Variants in ATXN1 observed in about 807,000 individuals in gnomAD.
ATXN1 encodes ataxin 1, also known as ataxin-1.
Under a neutral mutation model 56.4 loss-of-function variants are expected in ATXN1, and 8 were observed. That is an observed-to-expected ratio of 0.14 (90% confidence interval 0.08 to 0.26). ATXN1 has a LOEUF of 0.26. Ranked by LOEUF, ATXN1 falls within the 10% of genes least tolerant of loss-of-function variation. The pLI, the probability that ATXN1 is intolerant of heterozygous loss-of-function variation, is 1.00. For synonymous variants in ATXN1, 514 were observed against 494.6 expected (o/e 1.04, Z -0.52); for missense variants, 987 against 1,106.5 (o/e 0.89, Z 1.53).
intron 6 of ATXN1, among the ~76,000 whole-genome samples, chr6:16,406,780 T>C (rs1375161401): frequency 6.6e-6 from 1 of 152,246 alleles, no homozygotes; most frequent in Non-Finnish European, 1.5e-5. Context: ...CTTTGTTCTC[T>C]TCTGCTTTTG....
At chr6:16,530,102 C>T (rs1026897624) in intron 4 of ATXN1, among the ~76,000 whole-genome samples, 1 of 152,094 alleles carries the variant, frequency 6.6e-6, no homozygotes, top group Non-Finnish European at 1.5e-5. Context: ...GATATCTGTT[C>T]TTAAGGAATT....
intron 6 of ATXN1, among the ~76,000 whole-genome samples, chr6:16,470,974 T>G (rs1408472020): frequency 6.6e-6 from 1 of 152,080 alleles, no homozygotes; most frequent in Non-Finnish European, 1.5e-5. Context: ...GTACCTAGAC[T>G]GATGTGAGGC....
intron 5 of ATXN1, among the ~76,000 whole-genome samples, chr6:16,515,211 C>T (rs1422103006): frequency 6.6e-6 from 1 of 152,156 alleles, no homozygotes; most frequent in Non-Finnish European, 1.5e-5. Flanking sequence ...CTCCTTACGC[C>T]TGCAACTGCC....
rs879687965 is a variant in ATXN1 at position 16,300,671 on chromosome 6, AT to A, written c.*5657del. On this transcript the variant is annotated 3_prime_UTR_variant, in exon 8 of 8. Transcript: ENST00000436367. ...GTGTGGGGGGAAAGAAGGTGAAATA[AT>A]TTTTTTTTTTGTCCCCATAATGAGT... The A allele has an allele frequency of 0.014, 2,064 of 148,230 alleles. 95 individuals carry two copies. Among genetic ancestry groups the A allele is most frequent in the Admixed American group, 0.089 (1,322 of 14,832 alleles). 9.2% of individuals were successfully genotyped at this position (148,230 alleles called of 1,614,324 possible).
At chr6:16,548,435 ATAAAT>A (rs941170975) in intron 4 of ATXN1, among the ~76,000 whole-genome samples, 31 of 152,356 alleles carry the variant, frequency 2.0e-4, no homozygotes, top group Admixed American at 1.8e-3. Flanking sequence ...TTCTTCAATA[ATAAAT>A]TAAACTTAGC....
intron 6 of ATXN1, among the ~76,000 whole-genome samples, chr6:16,482,122 A>C (rs1219374787): frequency 6.6e-6 from 1 of 151,996 alleles, no homozygotes; most frequent in Non-Finnish European, 1.5e-5. Flanking sequence ...CACACCCTTA[A>C]ACTGCTATCA....
chr6:16,706,413 G>C (rs1303808166), intron 2 of ATXN1, among the ~76,000 whole-genome samples: 2 of 152,166 alleles, frequency 1.3e-5, no homozygotes, highest in African/African-American at 4.8e-5. Context: ...GAGAGGCAGA[G>C]AGAAAGAAAG....
intron 2 of ATXN1, chr6:16,738,309 C>T (rs1581408224): frequency 6.6e-6 from 1 of 152,182 alleles, no homozygotes; most frequent in Non-Finnish European, 1.5e-5. Flanking sequence ...AGCTCAGTTC[C>T]TTAAACCGCT....
rs1328330948 is a variant in ATXN1, at chr6:16,305,666, G to A, written c.*663C>T. The A allele has an allele frequency of 2.0e-5, 3 of 152,712 alleles. No individual in the cohort carries two copies. The highest frequency in any genetic ancestry group is 3.8e-4 in the East Asian group (2 of 5,206). 9.5% of individuals were successfully genotyped at this position (152,712 alleles called of 1,614,324 possible). ...TATATCAGTGCAGTCAGGCCCCATA[G>A]GGGGAAATATATATCTATACAATTA... On this transcript the variant is annotated 3_prime_UTR_variant, in exon 8 of 8. Coordinates refer to ENST00000436367, the MANE Select transcript of ATXN1 (RefSeq NM_001128164.2).
At chr6:16,478,928 A>G (rs1026729699) in intron 6 of ATXN1, among the ~76,000 whole-genome samples, 2 of 152,240 alleles carry the variant, frequency 1.3e-5, no homozygotes, top group African/African-American at 4.8e-5. Context: ...GCAGGGGTCC[A>G]GCAGCGAATT....
At chr6:16,371,260 C>T (rs888149264) in intron 6 of ATXN1, among the ~76,000 whole-genome samples, 4 of 151,466 alleles carry the variant, frequency 2.6e-5, no homozygotes, top group African/African-American at 9.7e-5. Flanking sequence ...TATTTGAACA[C>T]TTATGTGAAC....
intron 6 of ATXN1, among the ~76,000 whole-genome samples, chr6:16,360,349 G>A (rs774221761): frequency 1.8e-4 from 28 of 152,142 alleles, no homozygotes; most frequent in Admixed American, 8.5e-4. Context: ...CATCGGAAAT[G>A]TGTTTTCCAT....
intron 5 of ATXN1, among the ~76,000 whole-genome samples, chr6:16,486,756 G>A (rs1350345294): frequency 6.6e-6 from 1 of 152,088 alleles, no homozygotes; most frequent in Non-Finnish European, 1.5e-5. Context: ...AAGAGTGTAA[G>A]GTGGGCAGTA....
At chr6:16,580,137 T>G (rs1182855775) in intron 4 of ATXN1, among the ~76,000 whole-genome samples, 5 of 152,220 alleles carry the variant, frequency 3.3e-5, no homozygotes, top group Non-Finnish European at 7.3e-5. Context: ...GAATGAATGA[T>G]TCACTATTTG....
chr6:16,686,788 T>C (rs575814128), intron 2 of ATXN1, among the ~76,000 whole-genome samples: 1 of 152,314 alleles, frequency 6.6e-6, no homozygotes, highest in East Asian at 1.9e-4. Flanking sequence ...ATAAGGAAAG[T>C]CCATCAAATA....
chr6:16,443,351 TTG>T (rs1464503308), intron 6 of ATXN1, among the ~76,000 whole-genome samples: 1 of 152,068 alleles, frequency 6.6e-6, no homozygotes, highest in Non-Finnish European at 1.5e-5. Context: ...TCACCTTGTT[TTG>T]TGGGTTTTGT....
In ATXN1 at chr6:16,300,825, A is replaced by G. The variant is rs989840490; in HGVS notation, c.*5504T>C. On this transcript the variant is annotated 3_prime_UTR_variant, in exon 8 of 8. Coordinates refer to ENST00000436367, the MANE Select transcript of ATXN1 (RefSeq NM_001128164.2). Reference sequence around the variant, plus strand: ...CATCTCTGAAGAAAAAGAAGTTGCAATGGCTTAAGAGTTTAGACTAAGAAG... The same window carrying G: ...CATCTCTGAAGAAAAAGAAGTTGCAGTGGCTTAAGAGTTTAGACTAAGAAG... 3 of 152,648 alleles carry G rather than the reference A, an allele frequency of 2.0e-5. No individual in the cohort carries two copies. The highest frequency in any genetic ancestry group is 3.9e-4 in the East Asian group (2 of 5,194). 9.5% of individuals were successfully genotyped at this position (152,648 alleles called of 1,614,324 possible).
chr6:16,315,062 G>A (rs1389119932), intron 7 of ATXN1, among the ~76,000 whole-genome samples: 1 of 152,136 alleles, frequency 6.6e-6, no homozygotes, highest in Non-Finnish European at 1.5e-5. Flanking sequence ...CCCACCAGGA[G>A]ACAGAACATA....
chr6:16,571,931 G>C (rs1762339542), intron 4 of ATXN1, among the ~76,000 whole-genome samples: 1 of 152,150 alleles, frequency 6.6e-6, no homozygotes, highest in Admixed American at 6.5e-5. Context: ...CCAAAGTGCT[G>C]GGATTGCAGG....
Sources: allele counts gnomAD v4.1 joint callset (sites outside exome capture counted in the v4.1 genomes callset), GRCh38; gene constraint gnomAD v4.1.1; transcripts MANE v1.5; gene names NCBI Gene and HGNC (gene_info 2026-07-23, HGNC 2026-07-21).